Variants in TMEM62 observed in about 807,000 individuals in gnomAD.
TMEM62 encodes transmembrane protein 62.
TMEM62 carries 41 observed loss-of-function variants against 70.4 expected under a neutral mutation model. The ratio of observed to expected loss-of-function variants is 0.58; its 90% CI spans 0.45 to 0.76. The LOEUF is 0.76. TMEM62 is among the 30% of genes least tolerant of loss of function. The pLI is 0.00. For synonymous variants in TMEM62, 268 were observed against 291.0 expected (o/e 0.92, Z 0.80); for missense variants, 688 against 788.5 (o/e 0.87, Z 1.53).
chr15:43,184,246 C>A lies in TMEM62; in HGVS notation c.1606-14C>A. 1 of 1,605,134 alleles carries A rather than the reference C, an allele frequency of 6.2e-7. No homozygotes were observed. Among genetic ancestry groups the A allele is most frequent in the Non-Finnish European group, 8.5e-7 (1 of 1,175,144 alleles). On this transcript the variant is annotated splice_polypyrimidine_tract_variant and intron_variant, in intron 13 of 13. Coordinates refer to ENST00000260403, the MANE Select transcript of TMEM62 (RefSeq NM_024956.4). The stretch of plus-strand genomic sequence containing the variant: ...AAGGACTTGGGAGTAAGCTATGGTT[C>A]TGTTCTTTTCCAGCTGGCGTTTTTT...
intron 11 of TMEM62, among the ~76,000 whole-genome samples, chr15:43,177,783 G>A (rs1399363213): frequency 1.3e-5 from 2 of 151,922 alleles, no homozygotes; most frequent in African/African-American, 2.4e-5. Context: ...TCACTCATCG[G>A]TGGGAATTGA....
At chr15:43,167,255 C>T (rs1452980549) in intron 10 of TMEM62, among the ~76,000 whole-genome samples, 101 of 151,016 alleles carry the variant, frequency 6.7e-4, no homozygotes, top group African/African-American at 2.3e-3. Context: ...GCTGGCCGAG[C>T]GGGGGGCTGA....
At chr15:43,134,911 G>A (rs2034999026) in intron 2 of TMEM62, among the ~76,000 whole-genome samples, 1 of 152,156 alleles carries the variant, frequency 6.6e-6, no homozygotes, top group African/African-American at 2.4e-5. Context: ...AGCTAAAGGA[G>A]CATCTATCTA....
chr15:43,134,391 G>C, intron 2 of TMEM62, 23 bp downstream of exon 2: 1 of 1,581,558 alleles, frequency 6.3e-7, no homozygotes. Context: ...GCCGTGCTGT[G>C]GTGGTGGTCT....
intron 3 of TMEM62, among the ~76,000 whole-genome samples, chr15:43,137,769 GC>G (rs1014939998): frequency 5.3e-5 from 8 of 152,262 alleles, no homozygotes; most frequent in African/African-American, 1.9e-4. Flanking sequence ...CTTGGCACAG[GC>G]CTTGCCATTG....
intron 7 of TMEM62, 89 bp from the exon 8 acceptor site, chr15:43,151,701 A>C (rs2037413349): frequency 2.7e-6 from 3 of 1,121,808 alleles, no homozygotes; most frequent in Non-Finnish European, 3.8e-6. Context: ...AGTCCTAGTT[A>C]TGTATTTTTA....
intron 4 of TMEM62, among the ~76,000 whole-genome samples, chr15:43,139,846 C>T (rs1369051889): frequency 3.3e-5 from 5 of 152,206 alleles, no homozygotes; most frequent in African/African-American, 1.2e-4. Context: ...CATAAATATG[C>T]AGTGTGACGC....
intron 11 of TMEM62, among the ~76,000 whole-genome samples, chr15:43,173,278 C>T (rs2040394033): frequency 6.6e-6 from 1 of 152,240 alleles, no homozygotes; most frequent in African/African-American, 2.4e-5. Context: ...TCAGTATCAC[C>T]TCTCTGGATT....
chr15:43,175,409 A>AT (rs1400121790), intron 11 of TMEM62, among the ~76,000 whole-genome samples: 1 of 152,120 alleles, frequency 6.6e-6, no homozygotes, highest in Non-Finnish European at 1.5e-5. Context: ...TCCTTTAAAT[A>AT]TTTTTTACCA....
intron 8 of TMEM62, 73 bp from the exon 9 acceptor site, chr15:43,154,599 A>G: frequency 7.2e-7 from 1 of 1,386,914 alleles, no homozygotes; most frequent in Non-Finnish European, 9.8e-7. Flanking sequence ...TGCAAGTTAC[A>G]ATAAGGTTAT....
chr15:43,184,191 A>G, intron 13 of TMEM62, 69 bp from the exon 14 acceptor site: 1 of 1,340,112 alleles, frequency 7.5e-7, no homozygotes, highest in Non-Finnish European at 1.0e-6. Context: ...AGGATCCACT[A>G]ATAATGCATT....
intron 10 of TMEM62, among the ~76,000 whole-genome samples, chr15:43,166,319 G>C (rs1197925838): frequency 6.6e-6 from 1 of 152,048 alleles, no homozygotes; most frequent in Admixed American, 6.6e-5. Context: ...TGCTTACTTC[G>C]TTTTAACAAG....
Position 43,164,531 on chromosome 15 carries a change from C to CT in TMEM62, c.1296+3746dup, listed in dbSNP as rs375837558. On this transcript the variant is annotated intron_variant, in intron 10 of 13. Coordinates refer to ENST00000260403, the MANE Select transcript of TMEM62 (RefSeq NM_024956.4). The stretch of plus-strand genomic sequence containing the variant: ...TGCCAATACAACCAGCTAATTTTTA[C>CT]TTTTTTTTTGTAGAGACGGGGTCTC... Among the ~76,000 whole-genome samples, 176 of 148,990 alleles carry CT rather than the reference C, an allele frequency of 1.2e-3. 1 individual carries two copies. The highest frequency in any genetic ancestry group is 0.01 in the Middle Eastern group (3 of 288).
intron 10 of TMEM62, among the ~76,000 whole-genome samples, chr15:43,169,387 A>G (rs2039952045): frequency 1.3e-5 from 2 of 152,192 alleles, no homozygotes; most frequent in South Asian, 4.1e-4. Flanking sequence ...AAATGTTATA[A>G]CAATATGCTC....
At chr15:43,144,136 G>A (rs1032798213) in intron 4 of TMEM62, among the ~76,000 whole-genome samples, 5 of 152,348 alleles carry the variant, frequency 3.3e-5, no homozygotes, top group African/African-American at 4.8e-5. Flanking sequence ...CAAAAAGTGT[G>A]TCCAATCTTA....
intron 11 of TMEM62, among the ~76,000 whole-genome samples, chr15:43,175,989 G>T (rs1226141143): frequency 1.3e-5 from 2 of 152,198 alleles, no homozygotes; most frequent in Admixed American, 6.5e-5. Context: ...CTAATACTGC[G>T]CTTTTCTGAT....
chr15:43,134,714 C>G (rs533142657), intron 2 of TMEM62, among the ~76,000 whole-genome samples: 4 of 152,160 alleles, frequency 2.6e-5, no homozygotes, highest in Non-Finnish European at 5.9e-5. Context: ...CCTGTAACCA[C>G]GAATCAGAAG....
intron 11 of TMEM62, among the ~76,000 whole-genome samples, chr15:43,175,407 A>C (rs952793478): frequency 2.0e-5 from 3 of 152,200 alleles, no homozygotes; most frequent in African/African-American, 7.2e-5. Flanking sequence ...AGTCCTTTAA[A>C]TATTTTTTAC....
intron 5 of TMEM62, among the ~76,000 whole-genome samples, chr15:43,148,508 A>T (rs1214637957): frequency 2.0e-5 from 3 of 152,202 alleles, no homozygotes; most frequent in Non-Finnish European, 1.5e-5. Flanking sequence ...CAGTTTCCTT[A>T]TCTATTAAAA....
Sources: allele counts gnomAD v4.1 joint callset (sites outside exome capture counted in the v4.1 genomes callset), GRCh38; gene constraint gnomAD v4.1.1; transcripts MANE v1.5; gene names NCBI Gene and HGNC (gene_info 2026-07-23, HGNC 2026-07-21).